The following SNX19 variants were observed in gnomAD, a reference collection of about 807,000 sequenced individuals.
The protein encoded by SNX19 is sorting nexin-19.
In SNX19, 60 loss-of-function variants were observed where a neutral mutation model predicts 85.2. The observed-to-expected ratio is 0.70, with a 90% CI of 0.57 to 0.87. The LOEUF is 0.87. Ranked by LOEUF, SNX19 falls within the 40% of genes least tolerant of loss-of-function variation. SNX19 has a pLI of 0.00. For synonymous variants in SNX19, 520 were observed against 470.0 expected (o/e 1.11, Z -1.38); for missense variants, 1,201 against 1,217.8 (o/e 0.99, Z 0.21).
chr11:130,910,662 A>G (rs773056659), intron 2 of SNX19, among the ~76,000 whole-genome samples: 1 of 152,192 alleles, frequency 6.6e-6, no homozygotes, highest in Non-Finnish European at 1.5e-5. Context: ...TCTCTTCTAC[A>G]AGATGAGGAT....
At chr11:130,905,824 G>A (rs908692179) in intron 7 of SNX19, 129 bp downstream of exon 7, 2 of 1,555,284 alleles carry the variant, frequency 1.3e-6, no homozygotes, top group Non-Finnish European at 1.7e-6. Context: ...CTCCAACACT[G>A]GAGTTCAACA....
intron 7 of SNX19, among the ~76,000 whole-genome samples, chr11:130,903,716 TAC>T (rs35654790): frequency 0.45 from 64,891 of 143,096 alleles, 14,618 homozygotes; most frequent in South Asian, 0.62. Context: ...TATATACACA[TAC>T]ACACACACAC....
Position 130,868,020 on chromosome 11 carries a change from A to C in SNX19, c.*10402T>G, listed in dbSNP as rs1469206041. 6.6e-6 allele frequency: 1 copy of C among 152,190 alleles called. No individual in the cohort carries two copies. The highest frequency in any genetic ancestry group is 1.5e-5 in the Non-Finnish European group (1 of 68,028). The allele number at this position is 152,190 out of a possible 1,614,324, so 9.4% of individuals were successfully genotyped here. A position where few individuals can be genotyped will look rare whatever the true frequency, so the allele number is the denominator to read the frequency against. On this transcript the variant is annotated 3_prime_UTR_variant, in exon 11 of 11. Coordinates refer to ENST00000265909, the MANE Select transcript of SNX19 (RefSeq NM_014758.3). ...TCCTGTGACAATGCCAAAGAACGAAATGATTTTTTAAAAAATCTCTTCTCT... is the reference window on the plus strand; with the variant it reads ...TCCTGTGACAATGCCAAAGAACGAACTGATTTTTTAAAAAATCTCTTCTCT...
chr11:130,883,376 C>T (rs1390838443), intron 8 of SNX19, among the ~76,000 whole-genome samples: 2 of 152,124 alleles, frequency 1.3e-5, no homozygotes, highest in East Asian at 1.9e-4. Flanking sequence ...CTGTCAAGCA[C>T]TGTACATACA....
At chr11:130,890,490 T>A (rs1944417648) in intron 8 of SNX19, among the ~76,000 whole-genome samples, 1 of 152,230 alleles carries the variant, frequency 6.6e-6, no homozygotes, top group African/African-American at 2.4e-5. Flanking sequence ...ATCAAATGAG[T>A]GACAAATGTT....
intron 8 of SNX19, among the ~76,000 whole-genome samples, chr11:130,890,532 T>C (rs1218672092): frequency 6.6e-6 from 1 of 152,226 alleles, no homozygotes; most frequent in African/African-American, 2.4e-5. Context: ...GGAGTCTGAA[T>C]GAGCAGACTC....
rs747351526 is a variant in SNX19 at position 130,914,588 on chromosome 11, G to T, written c.1352C>A (p.Thr451Lys). The change falls in exon 1 of 11, where the codon ACA becomes AAA. Residue 451 changes from threonine to lysine, a missense_variant. This residue lies in a region of SNX19 where 791 missense variants were observed against 750.9 expected (regional missense o/e 1.05). Transcript: ENST00000265909. Reference protein sequence around the residue: ...LNSCPEIHIDTADKEIEQGDV... With the variant: ...LNSCPEIHIDKADKEIEQGDV... ...TCCTTGTTCTATCTCCTTGTCTGCT[G>T]TGTCAATATGGATCTCTGGGCAGGA... 6.2e-7 allele frequency: 1 copy of T among 1,613,994 alleles called. No individual in the cohort carries two copies. The highest frequency in any genetic ancestry group is 8.5e-7 in the Non-Finnish European group (1 of 1,179,872).
At chr11:130,886,599 A>G (rs747982087) in intron 8 of SNX19, among the ~76,000 whole-genome samples, 2 of 152,168 alleles carry the variant, frequency 1.3e-5, no homozygotes, top group Non-Finnish European at 2.9e-5. Flanking sequence ...GCACATAAGT[A>G]TGAGTATTGG....
In SNX19 at chr11:130,911,677, T is replaced by C. The variant is rs1167007393; in HGVS notation, c.1769A>G (p.Gln590Arg). The C allele has an allele frequency of 6.2e-7, 1 of 1,614,200 alleles. No homozygotes were observed. Among genetic ancestry groups the C allele is most frequent in the African/African-American group, 1.3e-5 (1 of 75,050 alleles). ...NRRYREFLNL[Q>R]TRLEEKPDLR... ...ATCTGGTTTCTCCTCCAGACGGGTC[T>C]GCAGATTCAAGAACTCCCGATAGCG... is the stretch of plus-strand genomic sequence containing the variant. Residue 590 changes from glutamine to arginine, a missense_variant, in exon 2 of 11, where the codon CAG (glutamine) becomes CGG (arginine). Gln to Arg is a conservative substitution (Grantham distance 43). Coordinates refer to ENST00000265909, the MANE Select transcript of SNX19 (RefSeq NM_014758.3).
Position 130,914,457 on chromosome 11 carries a change from C to T in SNX19, c.1483G>A (p.Asp495Asn). 7 of 1,613,738 alleles carry T rather than the reference C, an allele frequency of 4.3e-6. No homozygotes were observed. Among genetic ancestry groups the T allele is most frequent in the Non-Finnish European group, 5.9e-6 (7 of 1,179,746 alleles). ...KDLTNDVSSL[D>N]PTLPPVLLSS... is the part of the protein sequence containing the mutation. ...AGCAGAACTGGTGGCAGAGTAGGAT[C>T]AAGGGAGCTCACATCATTGGTGAGA... The change falls in exon 1 of 11, where the codon GAT becomes AAT. Residue 495 changes from aspartate to asparagine, a missense_variant. Asp to Asn is a conservative substitution (Grantham distance 23). Transcript: ENST00000265909.
intron 2 of SNX19, 32 bp from the exon 3 acceptor site, chr11:130,910,402 CT>C (rs746182411): frequency 2.1e-6 from 3 of 1,432,034 alleles, no homozygotes; most frequent in Non-Finnish European, 2.9e-6. Context: ...AAAATATTCA[CT>C]CATTTAACAT....
At chr11:130,882,802 T>C (rs75095179) in intron 8 of SNX19, among the ~76,000 whole-genome samples, 1,532 of 152,292 alleles carry the variant, frequency 0.01, 26 homozygotes, top group African/African-American at 0.034. Flanking sequence ...CCTCAAGCCA[T>C]GTATACTTCT....
In SNX19 at chr11:130,870,440, T is replaced by C. The variant is rs4937581; in HGVS notation, c.*7982A>G. The stretch of plus-strand genomic sequence containing the variant: ...GGTAGCCTCTGATGAAACATTTGAG[T>C]AATGGATTTCTTTACCTCACCTAAA... On this transcript the variant is annotated 3_prime_UTR_variant, in exon 11 of 11. Coordinates refer to ENST00000265909, the MANE Select transcript of SNX19 (RefSeq NM_014758.3). Among the ~76,000 whole-genome samples the C allele has an allele frequency of 0.44, 66,486 of 152,130 alleles. 14,811 individuals carry two copies. The highest frequency in any genetic ancestry group is 0.57 in the South Asian group (2,726 of 4,820).
chr11:130,906,618 T>C lies in SNX19; in HGVS notation c.2262+7A>G, dbSNP rs1945691556. On this transcript the variant is annotated splice_region_variant and intron_variant, in intron 6 of 10. Coordinates refer to ENST00000265909, the MANE Select transcript of SNX19 (RefSeq NM_014758.3). Reference sequence around the variant, plus strand: ...TTGCCTCACATTCTCTGGGTTTTGGTTCTTACCACATTGCCTTCCTGGAGA... The same window carrying C: ...TTGCCTCACATTCTCTGGGTTTTGGCTCTTACCACATTGCCTTCCTGGAGA... 6.2e-7 allele frequency: 1 copy of C among 1,603,158 alleles called. No individual in the cohort carries two copies. Among genetic ancestry groups the C allele is most frequent in the Admixed American group, 1.7e-5 (1 of 59,986 alleles).
chr11:130,880,940 G>A, intron 8 of SNX19, 134 bp from the exon 9 acceptor site: 1 of 681,834 alleles, frequency 1.5e-6, no homozygotes. Flanking sequence ...GCAGTAGGAG[G>A]TGGGGCCTTT....
chr11:130,915,683 G>T lies in SNX19; in HGVS notation c.257C>A (p.Ala86Asp), dbSNP rs146262748. The T allele has an allele frequency of 1.2e-6, 2 of 1,614,220 alleles. No individual in the cohort carries two copies. The highest frequency in any genetic ancestry group is 1.1e-5 in the South Asian group (1 of 91,082). Reference protein sequence around the residue: ...RLHLERFIPLATCPPCPEAER... With the variant: ...RLHLERFIPLDTCPPCPEAER... ...TGCCTCAGGGCATGGAGGACAGGTGGCCAACGGGATGAAGCGTTCCAGATG... is the reference window on the plus strand; with the variant it reads ...TGCCTCAGGGCATGGAGGACAGGTGTCCAACGGGATGAAGCGTTCCAGATG... The change falls in exon 1 of 11, where the codon GCC (alanine) becomes GAC (aspartate). Residue 86 changes from alanine (A) to aspartate (D), a missense_variant. Transcript: ENST00000265909.
In SNX19 at chr11:130,876,858, G is replaced by A. The variant is rs1378432287; in HGVS notation, c.*1564C>T. On this transcript the variant is annotated 3_prime_UTR_variant, in exon 11 of 11. Transcript: ENST00000265909. ...CTTTTAAGGCTAGAAGAGGCCATGA[G>A]ACATCTCATTCATCTCCTTGCCTTT... is the stretch of plus-strand genomic sequence containing the variant. 1 of 152,432 alleles carries A rather than the reference G, an allele frequency of 6.6e-6. No individual in the cohort carries two copies. The highest frequency in any genetic ancestry group is 1.5e-5 in the Non-Finnish European group (1 of 68,044). 9.4% of individuals were successfully genotyped at this position (152,432 alleles called of 1,614,324 possible). A position where few individuals can be genotyped will look rare whatever the true frequency, so the allele number is the denominator to read the frequency against.
At chr11:130,911,488 C>T (rs1446952182) in intron 2 of SNX19, 145 bp downstream of exon 2, 2 of 1,493,258 alleles carry the variant, frequency 1.3e-6, no homozygotes, top group African/African-American at 1.4e-5. Flanking sequence ...CAGCACTAAA[C>T]TTCAAAACTC....
At chr11:130,911,583 G>GTA in intron 2 of SNX19, 50 bp downstream of exon 2, 1 of 1,610,810 alleles carries the variant, frequency 6.2e-7, no homozygotes, top group Non-Finnish European at 8.5e-7. Flanking sequence ...CAATCAGCGT[G>GTA]GCTCGACGTG....
Sources: allele counts gnomAD v4.1 joint callset (sites outside exome capture counted in the v4.1 genomes callset), GRCh38; gene constraint gnomAD v4.1.1; regional missense constraint gnomAD v4.1.1; transcripts MANE v1.5; gene names NCBI Gene and HGNC (gene_info 2026-07-23, HGNC 2026-07-21).